The following VAT1L variants were observed in gnomAD, a reference collection of about 807,000 sequenced individuals.
VAT1L encodes the protein putative NADPH-dependent quinone oxidoreductase VAT1L.
A neutral mutation model predicts 44.1 loss-of-function variants in VAT1L; 34 were observed. That is an observed-to-expected ratio of 0.77 (90% CI 0.59 to 1.03). VAT1L has a LOEUF of 1.03. Among genes scored for constraint, VAT1L ranks in the 50% least tolerant of loss-of-function variants. The pLI, the probability that VAT1L is intolerant of heterozygous loss-of-function variation, is 0.00. For missense variants in VAT1L, 615 were observed against 538.8 expected, an observed-to-expected ratio of 1.14 and a Z score of -1.40; for synonymous variants, 253 against 202.2, an observed-to-expected ratio of 1.25 and a Z score of -2.13.
intron 1 of VAT1L, among the ~76,000 whole-genome samples, chr16:77,789,137 G>C (rs1007218159): frequency 2.6e-5 from 4 of 152,154 alleles, no homozygotes; most frequent in African/African-American, 9.6e-5. Flanking sequence ...GAGAATGTGA[G>C]CTCCTGGGCG....
At chr16:77,921,974 C>T (rs990372045) in intron 7 of VAT1L, among the ~76,000 whole-genome samples, 3 of 152,068 alleles carry the variant, frequency 2.0e-5, no homozygotes, top group African/African-American at 7.2e-5. Flanking sequence ...TCTTGAAGCC[C>T]TGGGCTCAAG....
intron 7 of VAT1L, among the ~76,000 whole-genome samples, chr16:77,902,767 G>C (rs1360092285): frequency 1.3e-5 from 2 of 149,142 alleles, no homozygotes; most frequent in South Asian, 2.1e-4. Context: ...TCAGGAGTTC[G>C]AGACTAGCCT....
chr16:77,852,924 G>A (rs995960204), intron 3 of VAT1L, among the ~76,000 whole-genome samples: 15 of 152,284 alleles, frequency 9.9e-5, no homozygotes, highest in African/African-American at 3.6e-4. Context: ...CCTCATAAAG[G>A]TTGTGATGAG....
chr16:77,859,714 G>C (rs1342059631), intron 3 of VAT1L, among the ~76,000 whole-genome samples: 1 of 152,204 alleles, frequency 6.6e-6, no homozygotes, highest in Admixed American at 6.5e-5. Flanking sequence ...CGAGGACAAA[G>C]AGATAACACA....
rs8048915 is a variant in VAT1L, at chr16:77,923,277, C to T, written c.1077+38475C>T. 4.2e-3 allele frequency among the ~76,000 whole-genome samples: 644 copies of T among 152,266 alleles called. 13 individuals are homozygous for T. The highest frequency in any genetic ancestry group is 0.028 in the Admixed American group (424 of 15,294). On this transcript the variant is annotated intron_variant, in intron 7 of 8. Transcript: ENST00000302536. ...CATCCTGGTTAACATGGTGAAACCCCGTATCTACCAAAAATACAAAAAATT... is the reference window on the plus strand; with the variant it reads ...CATCCTGGTTAACATGGTGAAACCCTGTATCTACCAAAAATACAAAAAATT...
chr16:77,825,143 A>G, intron 2 of VAT1L, 103 bp from the exon 3 acceptor site: 1 of 1,248,470 alleles, frequency 8.0e-7, no homozygotes, highest in South Asian at 1.3e-5. Flanking sequence ...CTGGGATTAT[A>G]CGCATGAGCC....
intron 7 of VAT1L, among the ~76,000 whole-genome samples, chr16:77,891,181 C>T (rs191575711): frequency 1.5e-4 from 23 of 151,934 alleles, no homozygotes; most frequent in African/African-American, 5.1e-4. Flanking sequence ...GGTGAAACCC[C>T]GTCACTACTA....
chr16:77,812,715 T>C (rs1017149589), intron 1 of VAT1L, among the ~76,000 whole-genome samples: 2 of 152,188 alleles, frequency 1.3e-5, no homozygotes, highest in Non-Finnish European at 2.9e-5. Flanking sequence ...CCCCCAATTT[T>C]CCTGTATCTT....
intron 7 of VAT1L, among the ~76,000 whole-genome samples, chr16:77,949,191 G>T (rs189676271): frequency 6.6e-6 from 1 of 152,192 alleles, no homozygotes; most frequent in Non-Finnish European, 1.5e-5. Context: ...TGACAGAGTG[G>T]AGACAATACA....
At chr16:77,823,279 A>G (rs1321944999) in intron 2 of VAT1L, among the ~76,000 whole-genome samples, 1 of 152,116 alleles carries the variant, frequency 6.6e-6, no homozygotes, top group Non-Finnish European at 1.5e-5. Flanking sequence ...CATCGTCATC[A>G]TAGTTTCATG....
At chr16:77,794,431 C>T (rs553634233) in intron 1 of VAT1L, among the ~76,000 whole-genome samples, 32 of 152,316 alleles carry the variant, frequency 2.1e-4, no homozygotes, top group African/African-American at 7.2e-4. Flanking sequence ...GCTGATTAAA[C>T]ACAATCACAA....
intron 7 of VAT1L, among the ~76,000 whole-genome samples, chr16:77,938,529 G>A (rs1391613728): frequency 1.3e-5 from 2 of 152,138 alleles, no homozygotes; most frequent in African/African-American, 4.8e-5. Flanking sequence ...GTACTGTACA[G>A]CGAGTTCTCA....
At chr16:77,789,527 CA>C (rs971451102) in intron 1 of VAT1L, among the ~76,000 whole-genome samples, 6 of 152,152 alleles carry the variant, frequency 3.9e-5, no homozygotes, top group African/African-American at 1.4e-4. Context: ...GGACAGGGTG[CA>C]GGGCTGGATC....
chr16:77,830,524 C>T (rs1312191554), intron 3 of VAT1L, among the ~76,000 whole-genome samples: 5 of 152,080 alleles, frequency 3.3e-5, no homozygotes, highest in African/African-American at 7.2e-5. Context: ...TCTTGTGATA[C>T]GGAGTAATTC....
At chr16:77,931,405 A>G (rs946505626) in intron 7 of VAT1L, among the ~76,000 whole-genome samples, 2 of 152,180 alleles carry the variant, frequency 1.3e-5, no homozygotes, top group Admixed American at 6.5e-5. Flanking sequence ...CCTACATAGA[A>G]ATAACTTTTA....
intron 3 of VAT1L, among the ~76,000 whole-genome samples, chr16:77,833,301 C>G (rs1287861168): frequency 6.6e-6 from 1 of 152,114 alleles, no homozygotes; most frequent in African/African-American, 2.4e-5. Context: ...CAGGGAGATA[C>G]AAGGTGATAT....
rs1187126378 is a variant in VAT1L at position 77,884,635 on chromosome 16, A to G, written c.910A>G (p.Ile304Val). The G allele has an allele frequency of 1.9e-6, 3 of 1,613,566 alleles. No individual in the cohort carries two copies. The highest frequency in any genetic ancestry group is 1.7e-6 in the Non-Finnish European group (2 of 1,179,858). The change falls in exon 7 of 9, where the codon ATC becomes GTC. Residue 304 changes from isoleucine to valine, a missense_variant. Coordinates refer to ENST00000302536, the MANE Select transcript of VAT1L (RefSeq NM_020927.3). This position sits in a 1 kb window ranked among gnomAD's most constrained non-coding sequence, Gnocchi z 4.5. The part of the protein sequence containing the change: ...SWWQVEKVNP[I>V]KLYEENKVIA... ...GTGGCAGGTGGAGAAGGTGAACCCC[A>G]TCAAGCTGTATGAGGAGAACAAAGT...
At position 77,939,474 on chromosome 16, in the gene VAT1L, T is replaced by C. The variant is rs569054414; in HGVS notation, c.1078-32376T>C. 3.9e-5 allele frequency among the ~76,000 whole-genome samples: 6 copies of C among 152,334 alleles called. No homozygotes were observed. The South Asian group carries it at 1.2e-3, about 32-fold the overall frequency. On this transcript the variant is annotated intron_variant, in intron 7 of 8. Coordinates refer to ENST00000302536, the MANE Select transcript of VAT1L (RefSeq NM_020927.3). ...AAGTGCCACAAATCAGGGCTCCCTT[T>C]AGAGATCTGTTGTTACATATTGACC...
At chr16:77,913,416 C>T (rs563881164) in intron 7 of VAT1L, among the ~76,000 whole-genome samples, 4 of 152,162 alleles carry the variant, frequency 2.6e-5, no homozygotes, top group South Asian at 2.1e-4. Context: ...CCCCCACATT[C>T]TACCAAACCC....
Sources: allele counts gnomAD v4.1 joint callset (sites outside exome capture counted in the v4.1 genomes callset), GRCh38; gene constraint gnomAD v4.1.1; non-coding constraint Gnocchi (gnomAD v3.1); transcripts MANE v1.5; gene names NCBI Gene and HGNC (gene_info 2026-07-23, HGNC 2026-07-21).